Variants in RPS6KA3 observed in about 807,000 individuals in gnomAD.
The protein encoded by RPS6KA3 is ribosomal protein S6 kinase A3.
Under a neutral mutation model 67.2 loss-of-function variants are expected in RPS6KA3, and 4 were observed. The observed-to-expected ratio is 0.06, with a 90% CI of 0.03 to 0.14. The LOEUF (loss-of-function observed/expected upper bound fraction) is 0.14, where lower values mean the gene tolerates loss of function less well. RPS6KA3 is among the 10% of genes least tolerant of loss of function. The pLI is 1.00. For missense variants in RPS6KA3, 204 were observed against 559.0 expected, an observed-to-expected ratio of 0.36 and a Z score of 6.40; for synonymous variants, 182 against 183.7, an observed-to-expected ratio of 0.99 and a Z score of 0.07.
At chrX:20,232,795 T>A (rs1446089232) in intron 2 of RPS6KA3, among the ~76,000 whole-genome samples, 1 of 111,278 alleles carries the variant, frequency 9.0e-6, no homozygotes, top group East Asian at 2.8e-4. Flanking sequence ...ATGCCAATAA[T>A]GATGGATACT....
chrX:20,156,053 C>T, intron 21 of RPS6KA3, 56 bp downstream of exon 21: 1 of 1,161,409 alleles, frequency 8.6e-7, no homozygotes. Flanking sequence ...GACAGGGCTT[C>T]TTGAAGTCTC....
chrX:20,221,944 T>C (rs2068996167), intron 2 of RPS6KA3, among the ~76,000 whole-genome samples: 1 of 112,680 alleles, frequency 8.9e-6, no homozygotes, highest in Non-Finnish European at 1.9e-5. Context: ...ATCAAGACCT[T>C]GGGCAGGGGT....
At chrX:20,193,446 T>C (rs888787262) in intron 7 of RPS6KA3, 41 bp downstream of exon 7, 1 of 789,884 alleles carries the variant, frequency 1.3e-6, no homozygotes, top group African/African-American at 2.0e-5. Flanking sequence ...TCCTAAACAA[T>C]CATATTACAT....
chrX:20,238,230 C>G (rs923254642), intron 1 of RPS6KA3, among the ~76,000 whole-genome samples: 1 of 111,271 alleles, frequency 9.0e-6, no homozygotes, highest in Non-Finnish European at 1.9e-5. Context: ...AACCCTCAAA[C>G]GACCAATGCA....
chrX:20,215,102 A>G (rs2148746805), intron 2 of RPS6KA3, among the ~76,000 whole-genome samples: 1 of 111,677 alleles, frequency 9.0e-6, no homozygotes, highest in East Asian at 2.8e-4. Context: ...CATCATGTCC[A>G]GCACTGTCTC....
At chrX:20,177,135 T>C (rs751415610) in intron 10 of RPS6KA3, 51 bp from the exon 11 acceptor site, 1 of 910,029 alleles carries the variant, frequency 1.1e-6, no homozygotes, top group East Asian at 3.1e-5. Flanking sequence ...ATCTGTATTT[T>C]TATTTTTAAA....
intron 10 of RPS6KA3, among the ~76,000 whole-genome samples, chrX:20,180,528 TG>T (rs1397969702): frequency 2.7e-5 from 3 of 112,157 alleles, no homozygotes; most frequent in Non-Finnish European, 3.8e-5. Flanking sequence ...ACAACTTGCC[TG>T]GTGAACACCT....
At position 20,186,984 on chromosome X, in the gene RPS6KA3, C is replaced by A. The variant is rs766679222; in HGVS notation, c.775-618G>T. On this transcript the variant is annotated intron_variant, in intron 9 of 21. Transcript: ENST00000379565. ...AAGTAGCTGGGATTACAGGTGTGTG[C>A]CACCATGCCTGGCTAATTTTTTGTA... Among the ~76,000 whole-genome samples the A allele has an allele frequency of 5.7e-3, 632 of 111,188 alleles. 5 individuals carry two copies. Among genetic ancestry groups the A allele is most frequent in the African/African-American group, 0.019 (583 of 30,563 alleles).
intron 14 of RPS6KA3, among the ~76,000 whole-genome samples, chrX:20,174,660 T>C (rs193226538): frequency 5.4e-5 from 6 of 110,981 alleles, no homozygotes; most frequent in African/African-American, 1.6e-4. Flanking sequence ...AACTCTACTT[T>C]CAAGTCACAT....
At chrX:20,213,691 G>A (rs57728485) in intron 2 of RPS6KA3, among the ~76,000 whole-genome samples, 3,185 of 106,417 alleles carry the variant, frequency 0.03, 119 homozygotes, top group African/African-American at 0.098. Flanking sequence ...CACGTACCCT[G>A]AAACTTAAAG....
At chrX:20,236,944 G>T (rs2069425884) in intron 1 of RPS6KA3, among the ~76,000 whole-genome samples, 1 of 111,586 alleles carries the variant, frequency 9.0e-6, no homozygotes, top group African/African-American at 3.3e-5. Context: ...CCGACATAGA[G>T]ATTCAAATTC....
At chrX:20,163,582 A>G (rs1016107724) in intron 18 of RPS6KA3, among the ~76,000 whole-genome samples, 1 of 111,783 alleles carries the variant, frequency 8.9e-6, no homozygotes, top group Non-Finnish European at 1.9e-5. Flanking sequence ...TCACGCCTGC[A>G]GTCCAGCACT....
chrX:20,165,919 G>A (rs7892835), intron 17 of RPS6KA3, among the ~76,000 whole-genome samples: 31,936 of 110,313 alleles, frequency 0.29, 5,404 homozygotes, highest in African/African-American at 0.64. Flanking sequence ...GGATAATACC[G>A]AAGTCTCTCT....
Position 20,156,195 on chromosome X carries a change from G to A in RPS6KA3, c.2014C>T (p.Leu672Phe), listed in dbSNP as rs2067184294. The A allele has an allele frequency of 6.6e-6, 8 of 1,207,846 alleles. No homozygotes were observed. The highest frequency in any genetic ancestry group is 9.0e-6 in the Non-Finnish European group (8 of 893,165). ...VDPHQRLTAALVLRHPWIVHW... is the reference protein window; with the variant it reads ...VDPHQRLTAAFVLRHPWIVHW... ...ACGATCCAAGGATGTCTGAGCACAA[G>A]AGCAGCAGTCAGTCTCTGATGAGGG... is the stretch of plus-strand genomic sequence containing the variant. Residue 672 changes from leucine (L) to phenylalanine (F), a missense_variant, in exon 21 of 22, where the codon CTT (leucine) becomes TTT (phenylalanine). Physicochemically the swap from Leu to Phe is conservative, Grantham distance 22. Transcript: ENST00000379565.
chrX:20,221,615 G>T (rs1414636588), intron 2 of RPS6KA3, among the ~76,000 whole-genome samples: 1 of 111,812 alleles, frequency 8.9e-6, no homozygotes, highest in East Asian at 2.8e-4. Context: ...GTGAGAAAAC[G>T]AATGGGTAAG....
Position 20,218,417 on chromosome X carries a change from T to C in RPS6KA3, c.127-9013A>G, listed in dbSNP as rs1205884839. The stretch of plus-strand genomic sequence containing the variant: ...CATACTCTCCTACCCACTAAAGTTG[T>C]TTTCATTATAGTAATCTCCTAAATA... On this transcript the variant is annotated intron_variant, in intron 2 of 21. Transcript: ENST00000379565. Among the ~76,000 whole-genome samples, 3 of 111,916 alleles carry C rather than the reference T, an allele frequency of 2.7e-5. No homozygotes were observed. In the Admixed American group the frequency reaches 2.9e-4, roughly 11 times the overall value.
chrX:20,187,618 AT>A (rs1470276787), intron 9 of RPS6KA3, among the ~76,000 whole-genome samples: 2 of 110,684 alleles, frequency 1.8e-5, no homozygotes, highest in Non-Finnish European at 3.8e-5. Context: ...CTATGGTAAT[AT>A]TTTTTTTTGC....
rs542871333 is a variant in RPS6KA3 at position 20,225,297 on chromosome X, A to G, written c.126+9461T>C. ...GCTCTTAGGGGTGGAGGAACAGGAC[A>G]CTAGGAAGTGAAAAAATAGCCCTGA... is the stretch of plus-strand genomic sequence containing the variant. On this transcript the variant is annotated intron_variant, in intron 2 of 21. Transcript: ENST00000379565. Among the ~76,000 whole-genome samples the G allele has an allele frequency of 9.2e-5, 9 of 98,286 alleles. No individual in the cohort carries two copies. The South Asian group carries it at 4.0e-3, about 43-fold the overall frequency. The allele number at this position is 98,286 out of a possible 115,157, so 85.3% of individuals were successfully genotyped here. A position where few individuals can be genotyped will look rare whatever the true frequency, so the allele number is the denominator to read the frequency against.
chrX:20,233,143 A>T, intron 2 of RPS6KA3, among the ~76,000 whole-genome samples: 1 of 111,899 alleles, frequency 8.9e-6, no homozygotes, highest in Non-Finnish European at 1.9e-5. Context: ...CTCAAAAAAG[A>T]AAAAAAGAAA....
Sources: gnomAD v4.1 joint callset for allele counts (sites outside exome capture counted in the v4.1 genomes callset) on GRCh38, gnomAD v4.1.1 for gene constraint, MANE v1.5 for transcripts, NCBI Gene and HGNC (gene_info 2026-07-23, HGNC 2026-07-21) for gene names.